Variants in CSMD1 observed in about 807,000 individuals in gnomAD.
CSMD1 encodes the protein CUB and sushi domain-containing protein 1.
A neutral mutation model predicts 417.5 loss-of-function variants in CSMD1; 213 were observed. The observed-to-expected ratio is 0.51, with a 90% CI of 0.46 to 0.57. CSMD1 has a LOEUF of 0.57. CSMD1 is among the 20% of genes least tolerant of loss of function. CSMD1 has a pLI of 0.00. For synonymous variants in CSMD1, 2,862 were observed against 1,736.8 expected, an observed-to-expected ratio of 1.65 and a Z score of -16.11; for missense variants, 6,923 against 4,529.7, an observed-to-expected ratio of 1.53 and a Z score of -15.17.
Position 3,708,403 on chromosome 8 carries a change from A to C in CSMD1, c.1009+11T>G, listed in dbSNP as rs752299412. ...CGTATCAATCCTCAGATAGAAAGGA[A>C]AGGGACTCACAGACAGAGTTTTTAT... On this transcript the variant is annotated intron_variant, in intron 7 of 69. Transcript: ENST00000635120. 1.2e-6 allele frequency: 2 copies of C among 1,612,324 alleles called. No homozygotes were observed. The highest frequency in any genetic ancestry group is 1.7e-6 in the Non-Finnish European group (2 of 1,178,344).
At chr8:3,585,276 A>T (rs1279801032) in intron 9 of CSMD1, among the ~76,000 whole-genome samples, 3 of 152,214 alleles carry the variant, frequency 2.0e-5, no homozygotes, top group Non-Finnish European at 2.9e-5. Context: ...AATAACTAAA[A>T]TGCTTAAAAG....
In CSMD1 at chr8:3,458,105, G is replaced by A. The variant is rs571624736; in HGVS notation, c.1561+10607C>T. 2.1e-3 allele frequency among the ~76,000 whole-genome samples: 321 copies of A among 152,276 alleles called. 3 individuals are homozygous for A. Among genetic ancestry groups the A allele is most frequent in the African/African-American group, 7.5e-3 (312 of 41,564 alleles). ...AGTTTGCTCTAACGTGAGCCCCGCA[G>A]CGCTTAACCTCCGTGTCATTTCCAC... On this transcript the variant is annotated intron_variant, in intron 12 of 69. Transcript: ENST00000635120.
intron 7 of CSMD1, chr8:3,704,778 G>T (rs557656997): frequency 2.0e-5 from 3 of 152,178 alleles, no homozygotes; most frequent in Non-Finnish European, 4.4e-5. Context: ...AGTTTCCTGA[G>T]GCTGTCAGGG....
chr8:4,725,704 C>T (rs553388007), intron 1 of CSMD1, among the ~76,000 whole-genome samples: 2 of 152,146 alleles, frequency 1.3e-5, no homozygotes, highest in African/African-American at 2.4e-5. Context: ...TGAAGAAAAT[C>T]CCCATTTATC....
At chr8:4,554,180 A>G (rs1797992319) in intron 2 of CSMD1, among the ~76,000 whole-genome samples, 1 of 152,170 alleles carries the variant, frequency 6.6e-6, no homozygotes. Context: ...TCTGTCGCCC[A>G]GGCTGGAGTG....
At chr8:4,301,913 T>C (rs1001829402) in intron 3 of CSMD1, among the ~76,000 whole-genome samples, 2 of 152,224 alleles carry the variant, frequency 1.3e-5, no homozygotes, top group South Asian at 2.1e-4. Flanking sequence ...TTAGAATTTA[T>C]GTTGCTTTGA....
intron 25 of CSMD1, among the ~76,000 whole-genome samples, chr8:3,301,335 G>T (rs1301890749): frequency 1.3e-5 from 2 of 152,190 alleles, no homozygotes; most frequent in South Asian, 2.1e-4. Context: ...AGTTTGGGAG[G>T]CTTCAGATGG....
chr8:3,536,755 T>C (rs1798217578), intron 10 of CSMD1, among the ~76,000 whole-genome samples: 1 of 152,200 alleles, frequency 6.6e-6, no homozygotes, highest in Middle Eastern at 3.4e-3. Flanking sequence ...TACCCAAAAG[T>C]GTCCATTGTG....
intron 5 of CSMD1, among the ~76,000 whole-genome samples, chr8:3,804,549 T>G (rs1029286881): frequency 6.6e-5 from 10 of 152,206 alleles, no homozygotes; most frequent in African/African-American, 2.4e-4. Flanking sequence ...TAAATGAGAT[T>G]AGCAAAATGC....
chr8:4,469,089 C>A (rs1341099577), intron 2 of CSMD1, among the ~76,000 whole-genome samples: 1 of 152,108 alleles, frequency 6.6e-6, no homozygotes, highest in East Asian at 1.9e-4. Flanking sequence ...ACACAGAAGA[C>A]CTGTTTGAAG....
chr8:4,928,791 C>CT lies in CSMD1; in HGVS notation c.85+65540dup, dbSNP rs578185714. On this transcript the variant is annotated intron_variant, in intron 1 of 69. Transcript: ENST00000635120. ...GAGGTAATTAAGTTAAAATGAGGCC[C>CT]TTAGGTGCTGGCTCACTCCTGTAAT... Among the ~76,000 whole-genome samples, 730 of 152,176 alleles carry CT rather than the reference C, an allele frequency of 4.8e-3. 8 individuals are homozygous for CT. Among genetic ancestry groups the CT allele is most frequent in the African/African-American group, 0.017 (688 of 41,500 alleles).
At chr8:3,341,220 G>A (rs1360409335) in intron 23 of CSMD1, among the ~76,000 whole-genome samples, 2 of 152,040 alleles carry the variant, frequency 1.3e-5, no homozygotes, top group African/African-American at 2.4e-5. Context: ...CATGGAACAA[G>A]CCGACCACCT....
chr8:3,754,182 T>G, intron 5 of CSMD1, 140 bp from the exon 6 acceptor site: 1 of 514,462 alleles, frequency 1.9e-6, no homozygotes, highest in East Asian at 3.1e-5. Context: ...TAATTGACTT[T>G]GAACCTTAAA....
chr8:3,779,546 T>C (rs899639311), intron 5 of CSMD1, among the ~76,000 whole-genome samples: 13 of 152,186 alleles, frequency 8.5e-5, no homozygotes, highest in African/African-American at 1.4e-4. Flanking sequence ...GCCATGCAAA[T>C]TAGCAGTGAA....
chr8:3,927,089 T>C (rs978626212), intron 5 of CSMD1, among the ~76,000 whole-genome samples: 1 of 151,988 alleles, frequency 6.6e-6, no homozygotes. Flanking sequence ...TGTAATTATC[T>C]TTAGGTATTA....
At chr8:4,390,590 T>C (rs891413004) in intron 3 of CSMD1, among the ~76,000 whole-genome samples, 4 of 151,842 alleles carry the variant, frequency 2.6e-5, no homozygotes, top group African/African-American at 7.3e-5. Flanking sequence ...CTCAGCTCCC[T>C]GCAAGCTCCG....
chr8:4,326,895 T>C (rs1368974112), intron 3 of CSMD1, among the ~76,000 whole-genome samples: 1 of 152,016 alleles, frequency 6.6e-6, no homozygotes, highest in Non-Finnish European at 1.5e-5. Context: ...ACATAGACCA[T>C]GTATAGGAGG....
At chr8:4,078,405 C>G (rs1025409548) in intron 3 of CSMD1, among the ~76,000 whole-genome samples, 2 of 149,618 alleles carry the variant, frequency 1.3e-5, no homozygotes, top group Admixed American at 6.7e-5. Context: ...AGCTCCACCT[C>G]CCGGGTTCAC....
intron 2 of CSMD1, among the ~76,000 whole-genome samples, chr8:4,484,214 A>C (rs1002745522): frequency 6.6e-6 from 1 of 152,068 alleles, no homozygotes; most frequent in Non-Finnish European, 1.5e-5. Flanking sequence ...AAAAAAAAAA[A>C]AACCTTGCTT....
Sources: allele counts gnomAD v4.1 joint callset (sites outside exome capture counted in the v4.1 genomes callset), GRCh38; gene constraint gnomAD v4.1.1; transcripts MANE v1.5; gene names NCBI Gene and HGNC (gene_info 2026-07-23, HGNC 2026-07-21).